Variants in VPS54 observed in about 807,000 individuals in gnomAD.
VPS54 encodes the protein VPS54 subunit of GARP complex.
VPS54 carries 45 observed loss-of-function variants against 121.5 expected under a neutral mutation model. The ratio of observed to expected loss-of-function variants is 0.37; its 90% CI spans 0.29 to 0.47. The LOEUF (loss-of-function observed/expected upper bound fraction) is 0.47, where lower values mean the gene tolerates loss of function less well. Ranked by LOEUF, VPS54 falls within the 20% of genes least tolerant of loss-of-function variation. VPS54 has a pLI of 0.99. For synonymous variants in VPS54, 371 were observed against 385.8 expected, an observed-to-expected ratio of 0.96 and a Z score of 0.45; for missense variants, 1,090 against 1,131.4, an observed-to-expected ratio of 0.96 and a Z score of 0.52.
chr2:63,956,599 C>T (rs1352361785), intron 7 of VPS54, among the ~76,000 whole-genome samples: 1 of 152,162 alleles, frequency 6.6e-6, no homozygotes, highest in Non-Finnish European at 1.5e-5. Flanking sequence ...GCATAGCTCT[C>T]AAGCCCAGTG....
At chr2:63,957,396 TG>T in intron 7 of VPS54, among the ~76,000 whole-genome samples, 1 of 143,380 alleles carries the variant, frequency 7.0e-6, no homozygotes, top group Non-Finnish European at 1.5e-5. Flanking sequence ...GAGCCAAGAC[TG>T]CACCACTGCA....
chr2:64,017,066 G>GGGC (rs1335678287), intron 1 of VPS54, among the ~76,000 whole-genome samples: 1 of 148,922 alleles, frequency 6.7e-6, no homozygotes, highest in Non-Finnish European at 1.5e-5. Flanking sequence ...GCCGGGGCCG[G>GGGC]GGCGGTGGCT....
intron 6 of VPS54, among the ~76,000 whole-genome samples, chr2:63,963,124 A>G (rs1473489347): frequency 6.6e-6 from 1 of 152,124 alleles, no homozygotes; most frequent in African/African-American, 2.4e-5. Flanking sequence ...ATAAGGTACT[A>G]AAATTCATTT....
chr2:63,932,057 G>A lies in VPS54; in HGVS notation c.1739+1616C>T, dbSNP rs1674234326. ...ATAGAAATGCATTTACACTGTTGGT[G>A]GGAGTGTTAATTAGTTCAACCATTG... On this transcript the variant is annotated intron_variant, in intron 12 of 22. Transcript: ENST00000272322. Among the ~76,000 whole-genome samples, 5 of 152,208 alleles carry A rather than the reference G, an allele frequency of 3.3e-5. 1 individual carries two copies. The highest frequency in any genetic ancestry group is 3.3e-4 in the Admixed American group (5 of 15,284).
chr2:63,921,622 G>C (rs983177155), intron 12 of VPS54, among the ~76,000 whole-genome samples: 1 of 152,078 alleles, frequency 6.6e-6, no homozygotes, highest in African/African-American at 2.4e-5. Flanking sequence ...CAAACTCCTA[G>C]CCTCAAGCAA....
In VPS54 at chr2:63,892,578, G is replaced by A. The variant is rs1322285574; in HGVS notation, c.*852C>T. ...TGTTAATATGAGAACTCAAAAGTAG[G>A]CAGATTATATGAATACATATTCTTA... On this transcript the variant is annotated 3_prime_UTR_variant, in exon 23 of 23. Coordinates refer to ENST00000272322, the MANE Select transcript of VPS54 (RefSeq NM_016516.3). 6 of 152,482 alleles carry A rather than the reference G, an allele frequency of 3.9e-5. No individual in the cohort carries two copies. The Admixed American group carries it at 3.9e-4, about 10-fold the overall frequency. 9.4% of individuals were successfully genotyped at this position (152,482 alleles called of 1,614,324 possible).
At chr2:63,954,935 C>T (rs1411040260) in intron 7 of VPS54, among the ~76,000 whole-genome samples, 1 of 151,866 alleles carries the variant, frequency 6.6e-6, no homozygotes, top group East Asian at 1.9e-4. Context: ...CAACCAATTG[C>T]AATATATAGA....
At chr2:63,954,753 T>A (rs970863303) in intron 7 of VPS54, among the ~76,000 whole-genome samples, 1 of 152,096 alleles carries the variant, frequency 6.6e-6, no homozygotes, top group Non-Finnish European at 1.5e-5. Context: ...CTTTTAAAAC[T>A]AACTATCAAT....
At chr2:63,981,413 A>T (rs1250270632) in intron 3 of VPS54, among the ~76,000 whole-genome samples, 1 of 152,146 alleles carries the variant, frequency 6.6e-6, no homozygotes. Context: ...TTTCATGTTG[A>T]ATCTTAGCAT....
chr2:63,967,718 C>CAAAAAAAAAAAAAAAAAAAAAAAA lies in VPS54; in HGVS notation c.492+1238_492+1239insTTTTTTTTTTTTTTTTTTTTTTTT, dbSNP rs56820620. ...TGGGCGACAGAGAGAGACTCTGCCT[C>CAAAAAAAAAAAAAAAAAAAAAAAA]AAAAAAAAAAAAAAAAATCTTATAA... On this transcript the variant is annotated intron_variant, in intron 5 of 22. Coordinates refer to ENST00000272322, the MANE Select transcript of VPS54 (RefSeq NM_016516.3). Among the ~76,000 whole-genome samples, 34 of 52,932 alleles carry CAAAAAAAAAAAAAAAAAAAAAAAA rather than the reference C, an allele frequency of 6.4e-4. 1 individual carries two copies. The highest frequency in any genetic ancestry group is 1.2e-3 in the South Asian group (2 of 1,610). The allele number at this position is 52,932 out of a possible 152,430, so 34.7% of individuals were successfully genotyped here. A position where few individuals can be genotyped will look rare whatever the true frequency, so the allele number is the denominator to read the frequency against.
At chr2:63,896,865 A>C (rs745843645) in intron 22 of VPS54, among the ~76,000 whole-genome samples, 24 of 152,288 alleles carry the variant, frequency 1.6e-4, no homozygotes, top group Non-Finnish European at 2.8e-4. Context: ...CCTATTAAGG[A>C]AACTTTTATC....
chr2:63,906,577 A>G (rs1360764694), intron 20 of VPS54, among the ~76,000 whole-genome samples: 1 of 152,180 alleles, frequency 6.6e-6, no homozygotes, highest in East Asian at 1.9e-4. Context: ...ACTGGGGGAA[A>G]AGCACTGGTT....
rs1323955312 is a variant in VPS54 at position 63,921,333 on chromosome 2, A to G, written c.1742T>C (p.Val581Ala). The G allele has an allele frequency of 1.9e-6, 3 of 1,611,276 alleles. No individual in the cohort carries two copies. Among genetic ancestry groups the G allele is most frequent in the South Asian group, 1.1e-5 (1 of 90,678 alleles). The stretch of plus-strand genomic sequence containing the variant: ...GTCAGTTAATTTCATATCTTCACTG[A>G]CCCTGAAAATAACAAAATAAGATTT... ...SAIPGGVDIMVSEDMKLTDSE... is the reference protein window; with the variant it reads ...SAIPGGVDIMASEDMKLTDSE... The change falls in exon 13 of 23, where the codon GTC becomes GCC. Residue 581 changes from valine (V) to alanine (A), a missense_variant and splice_region_variant. Val to Ala is a moderately conservative substitution (Grantham distance 64). Around this residue, in one of 2 missense-constraint regions of VPS54, gnomAD observed 801 missense variants for 757.0 expected, o/e 1.06. Transcript: ENST00000272322.
Position 63,999,666 on chromosome 2 carries a change from C to T in VPS54, c.-20-15647G>A, listed in dbSNP as rs538594249. Among the ~76,000 whole-genome samples, 5 of 152,234 alleles carry T rather than the reference C, an allele frequency of 3.3e-5. No homozygotes were observed. The South Asian group carries it at 6.2e-4, about 19-fold the overall frequency. Reference sequence around the variant, plus strand: ...GAGAAGTTCTCTGTTATTATTCCTTCGAATAAACTTTTTACCCCTATCTCT... The same window carrying T: ...GAGAAGTTCTCTGTTATTATTCCTTTGAATAAACTTTTTACCCCTATCTCT... On this transcript the variant is annotated intron_variant, in intron 1 of 22. Transcript: ENST00000272322.
chr2:63,960,436 C>G (rs1575960188), intron 7 of VPS54, among the ~76,000 whole-genome samples: 1 of 152,004 alleles, frequency 6.6e-6, no homozygotes, highest in South Asian at 2.1e-4. Flanking sequence ...AATATCCAAC[C>G]CTCTTCTTAA....
At chr2:63,968,783 G>T (rs1196600534) in intron 5 of VPS54, among the ~76,000 whole-genome samples, 174 bp downstream of exon 5, 1 of 137,614 alleles carries the variant, frequency 7.3e-6, no homozygotes, top group Admixed American at 7.6e-5. Context: ...CAGAAGGAAG[G>T]AAAGAAAAAA....
intron 20 of VPS54, among the ~76,000 whole-genome samples, chr2:63,905,840 C>T (rs1272975338): frequency 6.6e-6 from 1 of 152,086 alleles, no homozygotes; most frequent in African/African-American, 2.4e-5. Flanking sequence ...CTTAAAAAAT[C>T]AATGAAGGTA....
intron 7 of VPS54, among the ~76,000 whole-genome samples, chr2:63,957,935 T>C (rs551492581): frequency 1.3e-5 from 2 of 152,286 alleles, no homozygotes; most frequent in East Asian, 1.9e-4. Context: ...GCACACTTTT[T>C]TAAAAGCTCT....
At chr2:63,921,990 T>C (rs979477634) in intron 12 of VPS54, among the ~76,000 whole-genome samples, 1 of 152,198 alleles carries the variant, frequency 6.6e-6, no homozygotes, top group Non-Finnish European at 1.5e-5. Flanking sequence ...AGGGAAGGAA[T>C]GTTATTTCAT....
Sources: gnomAD v4.1 joint callset for allele counts (sites outside exome capture counted in the v4.1 genomes callset) on GRCh38, gnomAD v4.1.1 for gene constraint, gnomAD v4.1.1 regional missense constraint, MANE v1.5 for transcripts, NCBI Gene and HGNC (gene_info 2026-07-23, HGNC 2026-07-21) for gene names.